COL4A1: variants seen among roughly 807,000 people sequenced by gnomAD.
COL4A1 encodes collagen alpha-1(IV) chain.
COL4A1 carries 40 observed loss-of-function variants against 216.6 expected under a neutral mutation model. That is an observed-to-expected ratio of 0.18 (90% CI 0.14 to 0.24). COL4A1 has a LOEUF of 0.24. Ranked by LOEUF, COL4A1 falls within the 10% of genes least tolerant of loss-of-function variation. The pLI, the probability that COL4A1 is intolerant of heterozygous loss-of-function variation, is 1.00. For synonymous variants in COL4A1, 839 were observed against 810.7 expected (o/e 1.03, Z -0.59); for missense variants, 1,628 against 2,196.8 (o/e 0.74, Z 5.18).
rs1048994197 is a variant in COL4A1 at position 110,207,780 on chromosome 13, C to A, written c.694-291G>T. Reference sequence around the variant, plus strand: ...CAAGACACCTCCGGACTTGCGTGCCCCTGTATAGTGTATACTGGCTTCTGA... The same window carrying A: ...CAAGACACCTCCGGACTTGCGTGCCACTGTATAGTGTATACTGGCTTCTGA... On this transcript the variant is annotated intron_variant, in intron 12 of 51. Transcript: ENST00000375820. The surrounding 1 kb of genome is among the most constrained non-coding windows in gnomAD (Gnocchi z 4.4). 6.6e-6 allele frequency among the ~76,000 whole-genome samples: 1 copy of A among 152,058 alleles called. No individual in the cohort carries two copies. Among genetic ancestry groups the A allele is most frequent in the African/African-American group, 2.4e-5 (1 of 41,400 alleles).
At position 110,170,533 on chromosome 13, in the gene COL4A1, C is replaced by G; in HGVS notation, c.3742+14G>C. On this transcript the variant is annotated intron_variant, in intron 42 of 51. Coordinates refer to ENST00000375820, the MANE Select transcript of COL4A1 (RefSeq NM_001845.6). ...CCCAGTCCTCAGCCCTGGCCCCTGG[C>G]GAGATGCCCTTACCTGGCAGGCCAG... is the stretch of plus-strand genomic sequence containing the variant. 6.3e-7 allele frequency: 1 copy of G among 1,588,848 alleles called. No homozygotes were observed. The highest frequency in any genetic ancestry group is 1.3e-5 in the African/African-American group (1 of 74,664).
chr13:110,283,914 A>G (rs1018223891), intron 1 of COL4A1, among the ~76,000 whole-genome samples: 1 of 152,218 alleles, frequency 6.6e-6, no homozygotes, highest in Non-Finnish European at 1.5e-5. Flanking sequence ...ATGAGGTGGC[A>G]AAAGCTCTCC....
chr13:110,198,743 A>C (rs1879024613), intron 20 of COL4A1, 112 bp from the exon 21 acceptor site: 14 of 1,397,034 alleles, frequency 1.0e-5, no homozygotes, highest in Non-Finnish European at 1.3e-5. Flanking sequence ...ACCATCACTG[A>C]AAAGGGAACT....
At position 110,207,105 on chromosome 13, in the gene COL4A1, C is replaced by G. The variant is rs1459718907; in HGVS notation, c.781-214G>C. 6.6e-6 allele frequency among the ~76,000 whole-genome samples: 1 copy of G among 152,016 alleles called. No individual in the cohort carries two copies. Among genetic ancestry groups the G allele is most frequent in the Non-Finnish European group, 1.5e-5 (1 of 68,004 alleles). The stretch of plus-strand genomic sequence containing the variant: ...TGACCCATGATGACTGGCCCTGCCC[C>G]CCTCCTGCCCCCCAGCCCAGCTCCC... On this transcript the variant is annotated intron_variant, in intron 13 of 51. Transcript: ENST00000375820. The surrounding 1 kb of genome is among the most constrained non-coding windows in gnomAD (Gnocchi z 4.4).
At position 110,297,228 on chromosome 13, in the gene COL4A1, G is replaced by C. The variant is rs992315405; in HGVS notation, c.84+9716C>G. Among the ~76,000 whole-genome samples, 3 of 152,280 alleles carry C rather than the reference G, an allele frequency of 2.0e-5. No homozygotes were observed. The East Asian group carries it at 5.8e-4, about 29-fold the overall frequency. ...GCCTAACTCTGAAGCTGCGGGGTGGGGGGGCCAGCCACCAGTCAACTCATT... is the reference window on the plus strand; with the variant it reads ...GCCTAACTCTGAAGCTGCGGGGTGGCGGGGCCAGCCACCAGTCAACTCATT... On this transcript the variant is annotated intron_variant, in intron 1 of 51. Coordinates refer to ENST00000375820, the MANE Select transcript of COL4A1 (RefSeq NM_001845.6).
intron 1 of COL4A1, among the ~76,000 whole-genome samples, chr13:110,259,234 GC>G (rs1300787787): frequency 6.6e-6 from 1 of 152,146 alleles, no homozygotes; most frequent in Non-Finnish European, 1.5e-5. Context: ...CTTCCGTCTA[GC>G]CTTAATTGTT....
intron 43 of COL4A1, 114 bp downstream of exon 43, chr13:110,169,515 C>A (rs1877505161): frequency 1.3e-6 from 2 of 1,534,886 alleles, no homozygotes; most frequent in Non-Finnish European, 8.8e-7. Flanking sequence ...CACACACACA[C>A]ACACACACAC....
rs756879840 is a variant in COL4A1 at position 110,175,333 on chromosome 13, G to A, written c.3083C>T (p.Pro1028Leu). The A allele has an allele frequency of 5.0e-6, 8 of 1,614,068 alleles. No homozygotes were observed. In the African/African-American group the frequency reaches 9.3e-5, roughly 19 times the overall value. The change falls in exon 37 of 52, where the codon CCT becomes CTT. Residue 1028 changes from proline (P) to leucine (L), a missense_variant. This residue lies in a region of COL4A1 where 58 missense variants were observed against 132.5 expected (regional missense o/e 0.44). Transcript: ENST00000375820. ...LPGTPGEKGV[P>L]GIPGPQGSPG... is the part of the protein sequence containing the mutation. ...TGAACCTTGTGGGCCAGGGATGCCAGGCACACCTTTCTCTCCAGGTGTTCC... is the reference window on the plus strand; with the variant it reads ...TGAACCTTGTGGGCCAGGGATGCCAAGCACACCTTTCTCTCCAGGTGTTCC...
chr13:110,167,064 G>T, intron 44 of COL4A1, 94 bp downstream of exon 44: 1 of 956,000 alleles, frequency 1.0e-6, no homozygotes, highest in Non-Finnish European at 1.7e-6. Flanking sequence ...TAATGGCAGC[G>T]GTGCTATCAG....
intron 28 of COL4A1, among the ~76,000 whole-genome samples, chr13:110,181,629 T>TTCTGCTCTCTTCAAACTTTTCTTTCCC (rs1878161538): frequency 6.6e-6 from 1 of 152,100 alleles, no homozygotes; most frequent in African/African-American, 2.4e-5. Context: ...TTTCCTTTTC[T>TTCTGCTCTCTTCAAACTTTTCTTTCCC]TCTGCTCTCT....
At chr13:110,210,513 C>T (rs890891072) in intron 8 of COL4A1, among the ~76,000 whole-genome samples, 1 of 152,078 alleles carries the variant, frequency 6.6e-6, no homozygotes, top group African/African-American at 2.4e-5. Context: ...AGACAAGGGC[C>T]CTTGTCTCTG....
At chr13:110,153,070 C>A (rs927960977) in intron 50 of COL4A1, among the ~76,000 whole-genome samples, 1 of 152,164 alleles carries the variant, frequency 6.6e-6, no homozygotes, top group Non-Finnish European at 1.5e-5. Flanking sequence ...TAAGTAGGAC[C>A]TTCCTGTACT....
At chr13:110,205,091 C>A (rs1263427389) in intron 17 of COL4A1, among the ~76,000 whole-genome samples, 5 of 151,968 alleles carry the variant, frequency 3.3e-5, no homozygotes, top group Non-Finnish European at 5.9e-5. Flanking sequence ...TCTGTATTTT[C>A]TATTGCTTTA....
At chr13:110,225,067 T>A (rs900353732) in intron 2 of COL4A1, among the ~76,000 whole-genome samples, 1 of 152,136 alleles carries the variant, frequency 6.6e-6, no homozygotes, top group Non-Finnish European at 1.5e-5. Flanking sequence ...ATATAATTAT[T>A]TATCAAAATT....
At chr13:110,217,227 G>T (rs1381585101) in intron 2 of COL4A1, among the ~76,000 whole-genome samples, 1 of 152,194 alleles carries the variant, frequency 6.6e-6, no homozygotes, top group African/African-American at 2.4e-5. Context: ...ATGCAGTATG[G>T]GGCCAAATTA....
chr13:110,238,512 C>A (rs1335980780), intron 2 of COL4A1, among the ~76,000 whole-genome samples: 1 of 152,212 alleles, frequency 6.6e-6, no homozygotes, highest in East Asian at 1.9e-4. Flanking sequence ...TGGGGTCCTG[C>A]TGAATTGGGG....
intron 1 of COL4A1, among the ~76,000 whole-genome samples, chr13:110,257,078 C>T (rs569677483): frequency 2.6e-5 from 4 of 152,196 alleles, no homozygotes; most frequent in African/African-American, 4.8e-5. Flanking sequence ...ATTTATACTA[C>T]TTATAAAAGA....
intron 24 of COL4A1, among the ~76,000 whole-genome samples, chr13:110,188,997 C>T (rs957609412): frequency 2.6e-5 from 4 of 152,074 alleles, no homozygotes; most frequent in Non-Finnish European, 5.9e-5. Flanking sequence ...TTAAATAACA[C>T]AAAAAATGCA....
At chr13:110,185,330 G>C (rs1341348298) in intron 26 of COL4A1, among the ~76,000 whole-genome samples, 5 of 151,882 alleles carry the variant, frequency 3.3e-5, no homozygotes, top group Non-Finnish European at 4.4e-5. Flanking sequence ...ATTTTTAGTA[G>C]AGATGGGGTT....
Sources: gnomAD v4.1 joint callset for allele counts (sites outside exome capture counted in the v4.1 genomes callset) on GRCh38, gnomAD v4.1.1 for gene constraint, gnomAD v4.1.1 regional missense constraint, Gnocchi (gnomAD v3.1) non-coding constraint, MANE v1.5 for transcripts, NCBI Gene and HGNC (gene_info 2026-07-23, HGNC 2026-07-21) for gene names.